POTEJ: variants seen among roughly 807,000 people sequenced by gnomAD.
The protein encoded by POTEJ is POTE ankyrin domain family member J.
A neutral mutation model predicts 69.0 loss-of-function variants in POTEJ; 11 were observed. The ratio of observed to expected loss-of-function variants is 0.16; its 90% CI spans 0.10 to 0.26. POTEJ has a LOEUF of 0.26. POTEJ is among the 10% of genes least tolerant of loss of function. The pLI is 1.00. For synonymous variants in POTEJ, 117 were observed against 381.1 expected, an observed-to-expected ratio of 0.31 and a Z score of 8.07; for missense variants, 327 against 1,045.5, an observed-to-expected ratio of 0.31 and a Z score of 9.48.
Position 130,648,781 on chromosome 2 carries a change from G to GTTT in POTEJ, c.1667+2498_1667+2500dup, listed in dbSNP as rs761289482. ...TCAGTCCTCAATCTTCTTTCTCATA[G>GTTT]TTTTTTTTTTTTTTTTTTTTTTTTT... On this transcript the variant is annotated intron_variant, in intron 13 of 14. Transcript: ENST00000409602. Among the ~76,000 whole-genome samples, 57 of 81,858 alleles carry GTTT rather than the reference G, an allele frequency of 7.0e-4. 6 individuals are homozygous for GTTT. The highest frequency in any genetic ancestry group is 2.6e-3 in the African/African-American group (47 of 18,102). The allele number at this position is 81,858 out of a possible 152,430, so 53.7% of individuals were successfully genotyped here.
chr2:130,657,026 G>A lies in POTEJ; in HGVS notation c.2266G>A (p.Glu756Lys), dbSNP rs201885155. 62 of 1,582,500 alleles carry A rather than the reference G, an allele frequency of 3.9e-5. 5 individuals are homozygous for A. Among genetic ancestry groups the A allele is most frequent in the Middle Eastern group, 3.5e-4 (2 of 5,794 alleles). Reference sequence around the variant, plus strand: ...GATCTGGCACCACACCTTCTACAACGAGCTGCGTGTGGCCCCCGAGGAGCA... The same window carrying A: ...GATCTGGCACCACACCTTCTACAACAAGCTGCGTGTGGCCCCCGAGGAGCA... ...EKIWHHTFYN[E>K]LRVAPEEHPI... The change falls in exon 15 of 15, where the codon GAG (glutamate) becomes AAG (lysine). Residue 756 changes from glutamate (E) to lysine (K), a missense_variant. Coordinates refer to ENST00000409602, the MANE Select transcript of POTEJ (RefSeq NM_001277083.2).
intron 7 of POTEJ, among the ~76,000 whole-genome samples, chr2:130,630,980 A>G (rs1685876271): frequency 6.9e-6 from 1 of 144,016 alleles, no homozygotes; most frequent in South Asian, 2.1e-4. Flanking sequence ...AGTGCACTGT[A>G]GGGGCTCACT....
chr2:130,615,721 T>C lies in POTEJ; in HGVS notation c.411-1069T>C, dbSNP rs547892670. On this transcript the variant is annotated intron_variant, in intron 1 of 14. Coordinates refer to ENST00000409602, the MANE Select transcript of POTEJ (RefSeq NM_001277083.2). The stretch of plus-strand genomic sequence containing the variant: ...AACCCCCTTGGTGCACATTTACCTA[T>C]GTAACAAACCTGCACATCCGGCACA... Among the ~76,000 whole-genome samples the C allele has an allele frequency of 2.0e-3, 292 of 148,872 alleles. 3 individuals are homozygous for C. Among genetic ancestry groups the C allele is most frequent in the African/African-American group, 6.8e-3 (266 of 39,338 alleles).
intron 3 of POTEJ, among the ~76,000 whole-genome samples, chr2:130,619,618 A>C (rs1467954375): frequency 8.7e-5 from 12 of 137,992 alleles, no homozygotes; most frequent in African/African-American, 3.4e-4. Flanking sequence ...CTTTTGGTAA[A>C]ACATGAAACT....
chr2:130,623,971 A>G, intron 5 of POTEJ, 93 bp from the exon 6 acceptor site: 1 of 1,277,792 alleles, frequency 7.8e-7, no homozygotes, highest in Non-Finnish European at 1.1e-6. Flanking sequence ...ATATTCTGAT[A>G]TTGTTTGAAA....
intron 4 of POTEJ, among the ~76,000 whole-genome samples, chr2:130,621,142 G>GTTC (rs1239743944): frequency 7.4e-6 from 1 of 136,012 alleles, no homozygotes; most frequent in East Asian, 2.2e-4. Context: ...ATCTGTCTAG[G>GTTC]GAAGCTGTGA....
intron 9 of POTEJ, among the ~76,000 whole-genome samples, chr2:130,637,580 G>A (rs1467667599): frequency 1.3e-5 from 2 of 152,286 alleles, no homozygotes; most frequent in East Asian, 3.9e-4. Context: ...CAAAAACATT[G>A]AAATTGTGAT....
chr2:130,655,783 CAGAA>C (rs1686964963), intron 14 of POTEJ, among the ~76,000 whole-genome samples: 1 of 113,392 alleles, frequency 8.8e-6, no homozygotes, highest in Admixed American at 9.0e-5. Flanking sequence ...ATTTACACCA[CAGAA>C]GTAAGTGTGA....
intron 1 of POTEJ, among the ~76,000 whole-genome samples, chr2:130,615,622 G>A (rs1369252751): frequency 2.1e-5 from 3 of 141,558 alleles, no homozygotes; most frequent in Admixed American, 1.4e-4. Context: ...AGGGTGGGAA[G>A]AGGGAAAGAA....
chr2:130,647,031 A>G (rs1686604722), intron 13 of POTEJ, among the ~76,000 whole-genome samples: 1 of 150,302 alleles, frequency 6.7e-6, no homozygotes, highest in East Asian at 1.9e-4. Flanking sequence ...ATGTATAAGG[A>G]CATTTATTAT....
At chr2:130,645,469 GT>G (rs1686545337) in intron 11 of POTEJ, among the ~76,000 whole-genome samples, 1 of 124,324 alleles carries the variant, frequency 8.0e-6, no homozygotes, top group Non-Finnish European at 1.8e-5. Flanking sequence ...GCTGGTTCAT[GT>G]TTTTCTTCTC....
chr2:130,649,344 A>G (rs1686715626), intron 13 of POTEJ, among the ~76,000 whole-genome samples: 2 of 152,230 alleles, frequency 1.3e-5, no homozygotes, highest in Admixed American at 1.3e-4. Context: ...CAAAAACCTC[A>G]GTGTCATTCT....
chr2:130,656,504 G>A, intron 14 of POTEJ, 45 bp from the exon 15 acceptor site: 1 of 1,579,326 alleles, frequency 6.3e-7, no homozygotes, highest in Non-Finnish European at 8.6e-7. Context: ...ATCATGTTAT[G>A]TCAATCTATT....
chr2:130,613,145 T>G (rs1396490667), intron 1 of POTEJ, among the ~76,000 whole-genome samples: 3 of 144,030 alleles, frequency 2.1e-5, no homozygotes, highest in Non-Finnish European at 4.5e-5. Context: ...GTCACAAAAA[T>G]AAGAGTATAG....
chr2:130,617,890 A>G (rs1482482020), intron 3 of POTEJ, among the ~76,000 whole-genome samples: 2 of 152,312 alleles, frequency 1.3e-5, no homozygotes, highest in Admixed American at 1.3e-4. Flanking sequence ...TTAGAGAATG[A>G]CAGTTTTCAG....
At position 130,631,635 on chromosome 2, in the gene POTEJ, T is replaced by G. The variant is rs1223245123; in HGVS notation, c.1131+182T>G. Among the ~76,000 whole-genome samples, 74 of 142,086 alleles carry G rather than the reference T, an allele frequency of 5.2e-4. 14 individuals carry two copies. Among genetic ancestry groups the G allele is most frequent in the African/African-American group, 2.0e-3 (72 of 35,674 alleles). The allele number at this position is 142,086 out of a possible 152,430, so 93.2% of individuals were successfully genotyped here. A position where few individuals can be genotyped will look rare whatever the true frequency, so the allele number is the denominator to read the frequency against. On this transcript the variant is annotated intron_variant, in intron 8 of 14. Transcript: ENST00000409602. ...TTGAGTTTTCAAGAGATACAAACCC[T>G]AGAGATATTCTTTGATTATTATGGA...
In POTEJ at chr2:130,657,071, G is replaced by T. The variant is rs755328446; in HGVS notation, c.2311G>T (p.Ala771Ser). Residue 771 changes from alanine (A) to serine (S), a missense_variant, in exon 15 of 15, where the codon GCC becomes TCC. Transcript: ENST00000409602. ...PEEHPILLTEAPLNPKANREK... is the reference protein window; with the variant it reads ...PEEHPILLTESPLNPKANREK... ...GGAGCACCCCATCCTGCTGACCGAGGCCCCCCTGAACCCCAAGGCCAACCG... is the reference window on the plus strand; with the variant it reads ...GGAGCACCCCATCCTGCTGACCGAGTCCCCCCTGAACCCCAAGGCCAACCG... 2.5e-6 allele frequency: 4 copies of T among 1,580,492 alleles called. 1 individual carries two copies. Among genetic ancestry groups the T allele is most frequent in the Non-Finnish European group, 3.5e-6 (4 of 1,156,770 alleles).
intron 1 of POTEJ, among the ~76,000 whole-genome samples, chr2:130,613,468 C>G (rs913938316): frequency 2.2e-5 from 3 of 139,214 alleles, no homozygotes; most frequent in Admixed American, 2.1e-4. Context: ...GTGGTGTGAT[C>G]TCGGCTCACT....
intron 13 of POTEJ, among the ~76,000 whole-genome samples, chr2:130,652,253 C>A (rs1411215905): frequency 5.8e-5 from 8 of 137,192 alleles, no homozygotes; most frequent in Admixed American, 4.3e-4. Flanking sequence ...CCTGAGGCCT[C>A]CCCAGCCATG....
Sources: gnomAD v4.1 joint callset for allele counts (sites outside exome capture counted in the v4.1 genomes callset) on GRCh38, gnomAD v4.1.1 for gene constraint, MANE v1.5 for transcripts, NCBI Gene and HGNC (gene_info 2026-07-23, HGNC 2026-07-21) for gene names.